The following PPM1A variants were observed in gnomAD, a reference collection of about 807,000 sequenced individuals.
PPM1A encodes protein phosphatase, Mg2+/Mn2+ dependent 1A.
A neutral mutation model predicts 35.0 loss-of-function variants in PPM1A; 7 were observed. The ratio of observed to expected loss-of-function variants is 0.20; its 90% CI spans 0.11 to 0.38. The LOEUF (loss-of-function observed/expected upper bound fraction) is 0.38, where lower values mean the gene tolerates loss of function less well. Ranked by LOEUF, PPM1A falls within the 10% of genes least tolerant of loss-of-function variation. PPM1A has a pLI of 1.00. For missense variants in PPM1A, 239 were observed against 467.8 expected (o/e 0.51, Z 4.51); for synonymous variants, 153 against 167.3 (o/e 0.91, Z 0.66).
upstream of PPM1A, among the ~76,000 whole-genome samples, chr14:60,246,300 G>T (rs1881782765): frequency 6.6e-6 from 1 of 152,192 alleles, no homozygotes; most frequent in Admixed American, 6.5e-5. Flanking sequence ...GAAAGGGAAA[G>T]AGAGTATTGC....
rs1194492968 is a variant in PPM1A, at chr14:60,295,140, AG to A, written c.*2659del. 1.3e-5 allele frequency: 2 copies of A among 151,762 alleles called. No individual in the cohort carries two copies. The highest frequency in any genetic ancestry group is 1.3e-4 in the Admixed American group (2 of 15,194). 9.4% of individuals were successfully genotyped at this position (151,762 alleles called of 1,614,324 possible). A position where few individuals can be genotyped will look rare whatever the true frequency, so the allele number is the denominator to read the frequency against. On this transcript the variant is annotated 3_prime_UTR_variant, in exon 6 of 6. Transcript: ENST00000395076. ...AAAAGTTCTTATGTGATGATAATAT[AG>A]TACTCAAAATATACTTTTATCATTT... is the stretch of plus-strand genomic sequence containing the variant.
rs188277841 is a variant in PPM1A, at chr14:60,294,206, T to G, written c.*1724T>G. ...AGTGGGGAAAGTAATGTGAAATGTC[T>G]CAGATTTAAGTAGTTAAATACCAGC... On this transcript the variant is annotated 3_prime_UTR_variant, in exon 6 of 6. Transcript: ENST00000395076. 1 of 152,066 alleles carries G rather than the reference T, an allele frequency of 6.6e-6. No individual in the cohort carries two copies. Among genetic ancestry groups the G allele is most frequent in the African/African-American group, 2.4e-5 (1 of 41,560 alleles). 9.4% of individuals were successfully genotyped at this position (152,066 alleles called of 1,614,324 possible). A position where few individuals can be genotyped will look rare whatever the true frequency, so the allele number is the denominator to read the frequency against.
intron 1 of PPM1A, among the ~76,000 whole-genome samples, chr14:60,270,750 C>T (rs1884984854): frequency 6.6e-6 from 1 of 151,102 alleles, no homozygotes; most frequent in African/African-American, 2.5e-5. Flanking sequence ...TATCATATTT[C>T]ATTATTTTTG....
At chr14:60,274,031 T>C (rs950975539) in intron 1 of PPM1A, among the ~76,000 whole-genome samples, 6 of 152,170 alleles carry the variant, frequency 3.9e-5, no homozygotes, top group Admixed American at 2.6e-4. Context: ...GCTGCAGATA[T>C]GTGAGGGTGC....
intron 1 of PPM1A, among the ~76,000 whole-genome samples, chr14:60,254,956 C>T (rs954513250): frequency 3.3e-5 from 5 of 152,088 alleles, no homozygotes; most frequent in African/African-American, 7.2e-5. Context: ...CTCTGGAACA[C>T]GCTCTTTTCT....
At chr14:60,271,243 C>T (rs898060776) in intron 1 of PPM1A, among the ~76,000 whole-genome samples, 2 of 152,212 alleles carry the variant, frequency 1.3e-5, no homozygotes, top group East Asian at 1.9e-4. Flanking sequence ...TCCCCTGACT[C>T]TCTATTCTAA....
At chr14:60,251,677 G>C (rs1882435801) in intron 1 of PPM1A, among the ~76,000 whole-genome samples, 1 of 152,116 alleles carries the variant, frequency 6.6e-6, no homozygotes, top group African/African-American at 2.4e-5. Context: ...CCTGTTATGT[G>C]TCAGGCACTT....
chr14:60,285,507 T>C (rs962949315), intron 2 of PPM1A, 117 bp from the exon 3 acceptor site: 17 of 1,156,802 alleles, frequency 1.5e-5, no homozygotes, highest in Non-Finnish European at 2.0e-5. Flanking sequence ...TTTTTCTCCC[T>C]GAAAGTAACA....
intron 1 of PPM1A, among the ~76,000 whole-genome samples, chr14:60,256,498 A>G (rs1253233563): frequency 6.6e-6 from 1 of 152,234 alleles, no homozygotes; most frequent in African/African-American, 2.4e-5. Context: ...GGATAATTTC[A>G]TATAGTCAGT....
chr14:60,289,660 AT>A lies in PPM1A; in HGVS notation c.953-132del, dbSNP rs772408566. On this transcript the variant is annotated intron_variant, in intron 3 of 5. Coordinates refer to ENST00000395076, the MANE Select transcript of PPM1A (RefSeq NM_021003.5). The surrounding 1 kb of genome is among the most constrained non-coding windows in gnomAD (Gnocchi z 4.1). ...TCATAAATCTTCAAAGGTCAACCTG[AT>A]TTTTTTTTTTTTTAAATGATACCAG... The A allele has an allele frequency of 0.16, 71,782 of 445,904 alleles. No individual in the cohort carries two copies. The highest frequency in any genetic ancestry group is 0.21 in the Middle Eastern group (335 of 1,608). The allele number at this position is 445,904 out of a possible 1,614,324, so 27.6% of individuals were successfully genotyped here. A position where few individuals can be genotyped will look rare whatever the true frequency, so the allele number is the denominator to read the frequency against.
rs186358329 is a variant in PPM1A, at chr14:60,265,091, A to C, written c.-21+15414A>C. Among the ~76,000 whole-genome samples, 249 of 152,258 alleles carry C rather than the reference A, an allele frequency of 1.6e-3. 1 individual carries two copies. Among genetic ancestry groups the C allele is most frequent in the African/African-American group, 5.0e-3 (209 of 41,542 alleles). The stretch of plus-strand genomic sequence containing the variant: ...CACTCTTCTTATCCAGTGTTTTTAC[A>C]TGCACCTACATCTCTGTCTAAAACC... On this transcript the variant is annotated intron_variant, in intron 1 of 5. Coordinates refer to ENST00000395076, the MANE Select transcript of PPM1A (RefSeq NM_021003.5).
rs760786407 is a variant in PPM1A at position 60,296,022 on chromosome 14, A to G, written c.*3540A>G. On this transcript the variant is annotated 3_prime_UTR_variant, in exon 6 of 6. Transcript: ENST00000395076. This position sits in a 1 kb window ranked among gnomAD's most constrained non-coding sequence, Gnocchi z 4.4. ...AACGGCCTTTATTCTTCCTGCTGAC[A>G]GCAGTAACTCAGAGGAATAGGTAGT... 4.0e-5 allele frequency: 6 copies of G among 151,720 alleles called. No homozygotes were observed. The highest frequency in any genetic ancestry group is 7.4e-5 in the Non-Finnish European group (5 of 67,680). The allele number at this position is 151,720 out of a possible 1,614,324, so 9.4% of individuals were successfully genotyped here.
At chr14:60,258,031 T>C (rs965695666) in intron 1 of PPM1A, among the ~76,000 whole-genome samples, 1 of 152,140 alleles carries the variant, frequency 6.6e-6, no homozygotes, top group African/African-American at 2.4e-5. Flanking sequence ...TTTTGTTTTG[T>C]GACCAACCCA....
At chr14:60,255,246 A>G in intron 1 of PPM1A, among the ~76,000 whole-genome samples, 1 of 140,992 alleles carries the variant, frequency 7.1e-6, no homozygotes, top group East Asian at 2.0e-4. Flanking sequence ...ATCTCGGCTC[A>G]CTGCAAGCTC....
intron 1 of PPM1A, among the ~76,000 whole-genome samples, chr14:60,256,433 A>G (rs1289377060): frequency 6.6e-6 from 1 of 151,406 alleles, no homozygotes; most frequent in Non-Finnish European, 1.5e-5. Context: ...CATCGTCTAA[A>G]AAAAAAGAAG....
rs925733451 is a variant in PPM1A, at chr14:60,249,303, G to C, written c.-395G>C. ...AGAGCAGTGGTCTCGGCGCTCGTCC[G>C]GCCCGCAGCTTCGGGTCCTCAGGCG... On this transcript the variant is annotated 5_prime_UTR_variant, in exon 1 of 6. Coordinates refer to ENST00000395076, the MANE Select transcript of PPM1A (RefSeq NM_021003.5). The surrounding 1 kb of genome is among the most constrained non-coding windows in gnomAD (Gnocchi z 4.5). 67 of 977,468 alleles carry C rather than the reference G, an allele frequency of 6.9e-5. No homozygotes were observed. Among genetic ancestry groups the C allele is most frequent in the Non-Finnish European group, 7.9e-5 (65 of 827,026 alleles). The allele number at this position is 977,468 out of a possible 1,614,324, so 60.5% of individuals were successfully genotyped here. A position where few individuals can be genotyped will look rare whatever the true frequency, so the allele number is the denominator to read the frequency against.
intron 1 of PPM1A, among the ~76,000 whole-genome samples, chr14:60,279,171 T>G (rs1283120609): frequency 6.6e-6 from 1 of 152,150 alleles, no homozygotes; most frequent in Non-Finnish European, 1.5e-5. Flanking sequence ...CGGGCTAGAG[T>G]GCAATGGCAT....
chr14:60,283,062 A>G lies in PPM1A; in HGVS notation c.359A>G (p.His120Arg). 1 of 1,614,272 alleles carries G rather than the reference A, an allele frequency of 6.2e-7. No homozygotes were observed. The highest frequency in any genetic ancestry group is 8.5e-7 in the Non-Finnish European group (1 of 1,180,052). Residue 120 changes from histidine to arginine, a missense_variant, in exon 2 of 6, where the codon CAT (histidine) becomes CGT (arginine). His to Arg is a conservative substitution (Grantham distance 29). This residue lies in a region of PPM1A where 175 missense variants were observed against 389.2 expected (regional missense o/e 0.45). Transcript: ENST00000395076. This position sits in a 1 kb window ranked among gnomAD's most constrained non-coding sequence, Gnocchi z 6.3. Reference sequence around the variant, plus strand: ...ATGAGAGTTATGTCAGAGAAGAAACATGGTGCAGATAGAAGTGGGTCAACA... The same window carrying G: ...ATGAGAGTTATGTCAGAGAAGAAACGTGGTGCAGATAGAAGTGGGTCAACA... ...EHMRVMSEKK[H>R]GADRSGSTAV...
At chr14:60,278,288 C>T (rs1885985385) in intron 1 of PPM1A, among the ~76,000 whole-genome samples, 1 of 150,006 alleles carries the variant, frequency 6.7e-6, no homozygotes, top group Non-Finnish European at 1.5e-5. Context: ...ATCCTATGTG[C>T]TTTTAAAAGA....
Sources: allele counts gnomAD v4.1 joint callset (sites outside exome capture counted in the v4.1 genomes callset), GRCh38; gene constraint gnomAD v4.1.1; regional missense constraint gnomAD v4.1.1; non-coding constraint Gnocchi (gnomAD v3.1); transcripts MANE v1.5; gene names NCBI Gene and HGNC (gene_info 2026-07-23, HGNC 2026-07-21).